ANKH: variants seen among roughly 807,000 people sequenced by gnomAD.
ANKH encodes ANKH inorganic pyrophosphate transport regulator.
A neutral mutation model predicts 49.0 loss-of-function variants in ANKH; 15 were observed. That is an observed-to-expected ratio of 0.31 (90% CI 0.20 to 0.47). ANKH has a LOEUF of 0.47. ANKH is among the 20% of genes least tolerant of loss of function. The pLI, the probability that ANKH is intolerant of heterozygous loss-of-function variation, is 1.00. For synonymous variants in ANKH, 273 were observed against 260.0 expected (o/e 1.05, Z -0.48); for missense variants, 429 against 652.0 (o/e 0.66, Z 3.72).
chr5:14,817,363 G>A (rs1741071156), intron 1 of ANKH, among the ~76,000 whole-genome samples: 1 of 152,064 alleles, frequency 6.6e-6, no homozygotes, highest in Admixed American at 6.5e-5. Context: ...GAAATGGAAG[G>A]ATGAAAATAA....
chr5:14,760,593 A>G (rs959958891), intron 2 of ANKH, among the ~76,000 whole-genome samples: 1 of 152,188 alleles, frequency 6.6e-6, no homozygotes, highest in South Asian at 2.1e-4. Flanking sequence ...CTGCGCAGGG[A>G]TCTGCAAGGA....
intron 1 of ANKH, among the ~76,000 whole-genome samples, chr5:14,865,788 G>T (rs989228023): frequency 6.6e-6 from 1 of 152,084 alleles, no homozygotes; most frequent in African/African-American, 2.4e-5. Context: ...TTTTTCCTGG[G>T]CTTCTCTTTT....
In ANKH at chr5:14,758,469, T is replaced by G. The variant is rs1738972381; in HGVS notation, c.432+11A>C. On this transcript the variant is annotated intron_variant, in intron 3 of 11. Coordinates refer to ENST00000284268, the MANE Select transcript of ANKH (RefSeq NM_054027.6). The stretch of plus-strand genomic sequence containing the variant: ...GAAAAAGAAAGAAAGCCAACGATCT[T>G]CTCTACTCACCATTGCGTCCATGAA... 1.0e-5 allele frequency: 16 copies of G among 1,600,194 alleles called. No individual in the cohort carries two copies. Among genetic ancestry groups the G allele is most frequent in the Non-Finnish European group, 1.4e-5 (16 of 1,167,472 alleles).
At chr5:14,777,494 A>G (rs1483568081) in intron 1 of ANKH, among the ~76,000 whole-genome samples, 1 of 152,202 alleles carries the variant, frequency 6.6e-6, no homozygotes, top group African/African-American at 2.4e-5. Flanking sequence ...CAAATCCCAC[A>G]GACATGAACT....
At chr5:14,731,716 C>A (rs1272411949) in intron 8 of ANKH, among the ~76,000 whole-genome samples, 1 of 152,210 alleles carries the variant, frequency 6.6e-6, no homozygotes, top group Non-Finnish European at 1.5e-5. Flanking sequence ...AGGGCCCAGT[C>A]CTTGACTGGA....
chr5:14,790,029 A>G (rs966954340), intron 1 of ANKH, among the ~76,000 whole-genome samples: 4 of 152,178 alleles, frequency 2.6e-5, no homozygotes, highest in Non-Finnish European at 5.9e-5. Flanking sequence ...ATTTTGTGTA[A>G]AATTAATAGC....
At chr5:14,767,556 T>C (rs759801890) in intron 2 of ANKH, among the ~76,000 whole-genome samples, 44 of 152,354 alleles carry the variant, frequency 2.9e-4, no homozygotes, top group Admixed American at 2.0e-4. Flanking sequence ...TTTATTTTAA[T>C]GACCACATTT....
intron 1 of ANKH, among the ~76,000 whole-genome samples, chr5:14,781,498 G>A (rs995646421): frequency 2.6e-5 from 4 of 152,174 alleles, no homozygotes; most frequent in Admixed American, 2.6e-4. Flanking sequence ...ACGATGTTTG[G>A]CTAACTCACC....
chr5:14,710,087 G>A lies in ANKH; in HGVS notation c.*1110C>T, dbSNP rs564201800. 1 of 152,248 alleles carries A rather than the reference G, an allele frequency of 6.6e-6. No individual in the cohort carries two copies. The highest frequency in any genetic ancestry group is 1.9e-4 in the East Asian group (1 of 5,186). The allele number at this position is 152,248 out of a possible 1,614,324, so 9.4% of individuals were successfully genotyped here. A position where few individuals can be genotyped will look rare whatever the true frequency, so the allele number is the denominator to read the frequency against. On this transcript the variant is annotated 3_prime_UTR_variant, in exon 12 of 12. Transcript: ENST00000284268. The stretch of plus-strand genomic sequence containing the variant: ...TCAGGGAGGACCACATAGTGACTCT[G>A]GTATCGTTATAAAATGTCTTGCTTT...
intron 3 of ANKH, among the ~76,000 whole-genome samples, chr5:14,756,688 C>T (rs562784932): frequency 1.4e-4 from 22 of 152,076 alleles, no homozygotes; most frequent in Admixed American, 1.2e-3. Context: ...GCAAACACAG[C>T]TGTGGGCTGG....
chr5:14,820,990 A>T (rs1345637099), intron 1 of ANKH, among the ~76,000 whole-genome samples: 1 of 152,012 alleles, frequency 6.6e-6, no homozygotes, highest in Non-Finnish European at 1.5e-5. Flanking sequence ...CCAGCACCTC[A>T]CAGGGGCTCA....
At position 14,706,180 on chromosome 5, in the gene ANKH, TTTAAG is replaced by T. The variant is rs1313133517; in HGVS notation, c.*5012_*5016del. 6.6e-6 allele frequency: 1 copy of T among 152,240 alleles called. No individual in the cohort carries two copies. The highest frequency in any genetic ancestry group is 6.5e-5 in the Admixed American group (1 of 15,284). 9.4% of individuals were successfully genotyped at this position (152,240 alleles called of 1,614,324 possible). ...GTCAAGTCTTGTTAGTAAAGTGCAC[TTTAAG>T]TTATGTAGCCTAACTTAAAAACAGG... On this transcript the variant is annotated 3_prime_UTR_variant, in exon 12 of 12. Transcript: ENST00000284268.
At chr5:14,803,794 C>T (rs891149743) in intron 1 of ANKH, among the ~76,000 whole-genome samples, 6 of 152,318 alleles carry the variant, frequency 3.9e-5, no homozygotes, top group Non-Finnish European at 5.9e-5. Context: ...AAACCAACAA[C>T]AGCAACCATA....
chr5:14,845,759 G>A (rs2126614895), intron 1 of ANKH, among the ~76,000 whole-genome samples: 1 of 151,582 alleles, frequency 6.6e-6, no homozygotes. Flanking sequence ...GGGCAACCAA[G>A]GACATGTCTA....
intron 1 of ANKH, among the ~76,000 whole-genome samples, chr5:14,785,173 A>C (rs1257235019): frequency 2.0e-5 from 3 of 152,220 alleles, no homozygotes; most frequent in Non-Finnish European, 4.4e-5. Flanking sequence ...CAGAGACCTC[A>C]AAACAAAAAA....
intron 1 of ANKH, among the ~76,000 whole-genome samples, chr5:14,857,700 A>C (rs1735322625): frequency 6.6e-6 from 1 of 152,204 alleles, no homozygotes; most frequent in African/African-American, 2.4e-5. Flanking sequence ...CTCAGCATTA[A>C]ACAATACTTT....
chr5:14,823,760 C>G (rs1741261533), intron 1 of ANKH, among the ~76,000 whole-genome samples: 1 of 152,116 alleles, frequency 6.6e-6, no homozygotes, highest in Non-Finnish European at 1.5e-5. Flanking sequence ...AATCCTGTCT[C>G]CACTAAAAAT....
intron 6 of ANKH, among the ~76,000 whole-genome samples, chr5:14,748,759 C>T (rs774207953): frequency 3.9e-5 from 6 of 152,206 alleles, no homozygotes; most frequent in Admixed American, 2.0e-4. Context: ...TCCCACTCTG[C>T]TGCCATGTGG....
At chr5:14,767,906 A>C (rs764812086) in intron 2 of ANKH, among the ~76,000 whole-genome samples, 12 of 152,204 alleles carry the variant, frequency 7.9e-5, no homozygotes, top group Non-Finnish European at 1.0e-4. Flanking sequence ...TCAGGGCATA[A>C]ACTGAGGAAA....
Sources: gnomAD v4.1 joint callset for allele counts (sites outside exome capture counted in the v4.1 genomes callset) on GRCh38, gnomAD v4.1.1 for gene constraint, MANE v1.5 for transcripts, NCBI Gene and HGNC (gene_info 2026-07-23, HGNC 2026-07-21) for gene names.